Variants in GRXCR2 observed in about 807,000 individuals in gnomAD.
GRXCR2 encodes glutaredoxin and cysteine rich domain containing 2.
In GRXCR2, 23 loss-of-function variants were observed where a neutral mutation model predicts 24.8. That is an observed-to-expected ratio of 0.93 (90% confidence interval 0.67 to 1.32). GRXCR2 has a LOEUF of 1.32. GRXCR2 is among the 40% of genes most tolerant of loss of function. The pLI, the probability that GRXCR2 is intolerant of heterozygous loss-of-function variation, is 0.00. For synonymous variants in GRXCR2, 130 were observed against 116.1 expected (o/e 1.12, Z -0.77); for missense variants, 315 against 303.4 (o/e 1.04, Z -0.28).
At chr5:145,865,837 A>G (rs1340156728) in intron 2 of GRXCR2, among the ~76,000 whole-genome samples, 1 of 152,150 alleles carries the variant, frequency 6.6e-6, no homozygotes, top group East Asian at 1.9e-4. Flanking sequence ...AAGTGAACCC[A>G]TAAGAAAAGA....
intron 1 of GRXCR2, among the ~76,000 whole-genome samples, chr5:145,870,954 C>A (rs1190005902): frequency 6.6e-6 from 1 of 152,096 alleles, no homozygotes; most frequent in Non-Finnish European, 1.5e-5. Flanking sequence ...TTCTATAGTC[C>A]TAGCTACCAG....
chr5:145,882,312 AC>A (rs1483570919), intron 2 of GRXCR2, among the ~76,000 whole-genome samples: 11 of 152,328 alleles, frequency 7.2e-5, no homozygotes, highest in African/African-American at 2.6e-4. Context: ...ATGAACTCAA[AC>A]AAATGTACAA....
At chr5:145,926,709 A>G (rs1040462193) in intron 2 of GRXCR2, among the ~76,000 whole-genome samples, 14 of 152,112 alleles carry the variant, frequency 9.2e-5, no homozygotes, top group Non-Finnish European at 1.6e-4. Context: ...TTGGCAATGC[A>G]GGCTCTTTTT....
At chr5:145,866,411 G>A (rs925176436) in intron 2 of GRXCR2, 90 bp downstream of exon 2, 1 of 793,600 alleles carries the variant, frequency 1.3e-6, no homozygotes, top group Non-Finnish European at 2.1e-6. Flanking sequence ...TATTCAAAAG[G>A]TTTTACTTAA....
At chr5:145,926,233 G>A (rs1757393400) in intron 2 of GRXCR2, among the ~76,000 whole-genome samples, 1 of 152,056 alleles carries the variant, frequency 6.6e-6, no homozygotes, top group Non-Finnish European at 1.5e-5. Flanking sequence ...GAGCTGTGAA[G>A]TTTATTATTT....
At chr5:145,871,455 T>G (rs1476007820) in intron 1 of GRXCR2, among the ~76,000 whole-genome samples, 1 of 152,204 alleles carries the variant, frequency 6.6e-6, no homozygotes, top group Non-Finnish European at 1.5e-5. Context: ...TCAATTTTTC[T>G]CTTCTGCAAA....
chr5:145,902,251 AC>A (rs1365899333), intron 2 of GRXCR2, among the ~76,000 whole-genome samples: 1 of 151,944 alleles, frequency 6.6e-6, no homozygotes, highest in Non-Finnish European at 1.5e-5. Context: ...ATGCCACCAT[AC>A]CTGTCTAATT....
At chr5:145,876,179 ATG>A (rs200140784), upstream of GRXCR2, among the ~76,000 whole-genome samples, 14 of 113,402 alleles carry the variant, frequency 1.2e-4, no homozygotes, top group African/African-American at 3.1e-4. Flanking sequence ...AAAAAATTGT[ATG>A]TGTGTGTGTG....
intron 1 of GRXCR2, 98 bp downstream of exon 1, chr5:145,872,535 G>T (rs1453991484): frequency 4.0e-6 from 4 of 990,804 alleles, no homozygotes; most frequent in East Asian, 2.5e-5. Context: ...TGGTACCGGA[G>T]GGGGAGCAAG....
intron 2 of GRXCR2, among the ~76,000 whole-genome samples, chr5:145,907,820 C>T (rs1757112679): frequency 6.6e-6 from 1 of 152,082 alleles, no homozygotes; most frequent in African/African-American, 2.4e-5. Flanking sequence ...GCTTGAGTGC[C>T]TCAAAGGATA....
In GRXCR2 at chr5:145,885,097, C is replaced by CTGTGTGTG. The variant is rs59158357; in HGVS notation, c.-69-18377_-69-18370dup. Among the ~76,000 whole-genome samples the CTGTGTGTG allele has an allele frequency of 5.6e-3, 824 of 147,778 alleles. 8 individuals carry two copies. The highest frequency in any genetic ancestry group is 0.019 in the African/African-American group (748 of 40,036). ...ATTATCATGCAGCATGTGTGTGTGT[C>CTGTGTGTG]TGTGTGTGTGTGTGTGTGTGTGTGT... is the stretch of plus-strand genomic sequence containing the variant. On this transcript the variant is annotated intron_variant, in intron 2 of 3. Transcript: ENST00000639411.
intron 1 of GRXCR2, 25 bp from the exon 2 acceptor site, chr5:145,866,753 G>C: frequency 6.8e-7 from 1 of 1,478,546 alleles, no homozygotes; most frequent in Non-Finnish European, 9.5e-7. Context: ...AATGAGCATG[G>C]AAACTTTACC....
intron 2 of GRXCR2, among the ~76,000 whole-genome samples, chr5:145,909,308 A>G (rs1412075565): frequency 6.6e-6 from 1 of 150,712 alleles, no homozygotes. Flanking sequence ...AATAAACATC[A>G]CTAGTAAATA....
chr5:145,859,655 G>A lies in GRXCR2; in HGVS notation c.*78C>T. The stretch of plus-strand genomic sequence containing the variant: ...TGTGGCCTCCTTGTTGGGAGAGGCA[G>A]GAGGAGGAGAAGGGGGCGGTTTATT... On this transcript the variant is annotated 3_prime_UTR_variant, in exon 3 of 3. Transcript: ENST00000377976. The A allele has an allele frequency of 7.4e-7, 1 of 1,350,230 alleles. No individual in the cohort carries two copies. Among genetic ancestry groups the A allele is most frequent in the Non-Finnish European group, 1.1e-6 (1 of 950,236 alleles). 83.6% of individuals were successfully genotyped at this position (1,350,230 alleles called of 1,614,324 possible).
In GRXCR2 at chr5:145,899,410, C is replaced by G. The variant is rs553574019; in HGVS notation, c.-69-32682G>C. Among the ~76,000 whole-genome samples, 4 of 152,064 alleles carry G rather than the reference C, an allele frequency of 2.6e-5. No homozygotes were observed. The East Asian group carries it at 7.7e-4, about 29-fold the overall frequency. On this transcript the variant is annotated intron_variant, in intron 2 of 3. Transcript: ENST00000639411. ...TTCACAGAATTGGAAAAAAACTATTCTAAAATTCATATGGAATAAAAAAAG... is the reference window on the plus strand; with the variant it reads ...TTCACAGAATTGGAAAAAAACTATTGTAAAATTCATATGGAATAAAAAAAG...
chr5:145,890,987 TA>T (rs1463174936), intron 2 of GRXCR2, among the ~76,000 whole-genome samples: 1 of 152,110 alleles, frequency 6.6e-6, no homozygotes, highest in Admixed American at 6.5e-5. Flanking sequence ...TTATATCAGA[TA>T]AAAGAGACTT....
At chr5:145,880,405 A>T (rs1756681978) in intron 2 of GRXCR2, among the ~76,000 whole-genome samples, 2 of 152,216 alleles carry the variant, frequency 1.3e-5, no homozygotes. Flanking sequence ...TCATCAGAAA[A>T]TACCATAAAC....
intron 2 of GRXCR2, among the ~76,000 whole-genome samples, chr5:145,894,717 G>A (rs1756923114): frequency 6.6e-6 from 1 of 152,032 alleles, no homozygotes; most frequent in Non-Finnish European, 1.5e-5. Flanking sequence ...AGGAGGAGCT[G>A]GTACCATTCC....
chr5:145,929,891 C>A (rs1428130113), intron 2 of GRXCR2, among the ~76,000 whole-genome samples: 1 of 152,080 alleles, frequency 6.6e-6, no homozygotes, highest in Non-Finnish European at 1.5e-5. Context: ...TGGTTCTTCA[C>A]AATCACTTCC....
Sources: allele counts gnomAD v4.1 joint callset (sites outside exome capture counted in the v4.1 genomes callset), GRCh38; gene constraint gnomAD v4.1.1; transcripts MANE v1.5; gene names NCBI Gene and HGNC (gene_info 2026-07-23, HGNC 2026-07-21).